The following PRKAR1B variants were observed in gnomAD, a reference collection of about 807,000 sequenced individuals.
PRKAR1B encodes protein kinase cAMP-dependent type I regulatory subunit beta.
Under a neutral mutation model 46.5 loss-of-function variants are expected in PRKAR1B, and 22 were observed. That is an observed-to-expected ratio of 0.47 (90% CI 0.34 to 0.68). The LOEUF is 0.68. Among genes scored for constraint, PRKAR1B ranks in the 30% least tolerant of loss-of-function variants. The pLI, the probability that PRKAR1B is intolerant of heterozygous loss-of-function variation, is 0.01. For synonymous variants in PRKAR1B, 259 were observed against 217.7 expected, an observed-to-expected ratio of 1.19 and a Z score of -1.67; for missense variants, 445 against 535.6, an observed-to-expected ratio of 0.83 and a Z score of 1.67.
Position 560,776 on chromosome 7 carries a change from G to C in PRKAR1B, c.892-9306C>G, listed in dbSNP as rs140046020. 3.3e-5 allele frequency among the ~76,000 whole-genome samples: 5 copies of C among 152,352 alleles called. No homozygotes were observed. The highest frequency in any genetic ancestry group is 1.2e-4 in the African/African-American group (5 of 41,588). On this transcript the variant is annotated intron_variant, in intron 9 of 10. Transcript: ENST00000537384. This position sits in a 1 kb window ranked among gnomAD's most constrained non-coding sequence, Gnocchi z 4.2. ...AGGCCAGATTACCCCAGCTCCAGGA[G>C]TTCCAGCACGTCAAACGGGACAGTC...
At chr7:722,381 C>T (rs1421343128) in intron 1 of PRKAR1B, among the ~76,000 whole-genome samples, 10 of 147,992 alleles carry the variant, frequency 6.8e-5, no homozygotes, top group African/African-American at 2.3e-4. Context: ...GGATGACAGG[C>T]GTAAGCCACT....
chr7:551,857 C>A (rs1206178819), intron 9 of PRKAR1B, among the ~76,000 whole-genome samples: 1 of 141,678 alleles, frequency 7.1e-6, no homozygotes, highest in Non-Finnish European at 1.5e-5. Context: ...ACTGCCACCA[C>A]CATGTAACCA....
rs556387286 is a variant in PRKAR1B, at chr7:642,045, C to T, written c.441-34593G>A. 2.6e-5 allele frequency among the ~76,000 whole-genome samples: 4 copies of T among 152,154 alleles called. No individual in the cohort carries two copies. In the East Asian group the frequency reaches 7.7e-4, roughly 29 times the overall value. The stretch of plus-strand genomic sequence containing the variant: ...CCTCCTCCCCAAGTGGCTGGGACTC[C>T]AGGCACGCACCACCACACCCAGCTA... On this transcript the variant is annotated intron_variant, in intron 4 of 10. Transcript: ENST00000537384.
At chr7:686,841 AG>A (rs1779121265) in intron 2 of PRKAR1B, among the ~76,000 whole-genome samples, 1 of 152,172 alleles carries the variant, frequency 6.6e-6, no homozygotes. Context: ...AGAAGCTGAC[AG>A]GCTGAGGTTT....
intron 2 of PRKAR1B, among the ~76,000 whole-genome samples, chr7:698,767 C>T (rs1779907755): frequency 6.6e-6 from 1 of 152,044 alleles, no homozygotes; most frequent in Admixed American, 6.5e-5. Context: ...CACGTACCCT[C>T]CTCCTCGGTG....
At chr7:661,226 C>T (rs1785535544) in intron 4 of PRKAR1B, among the ~76,000 whole-genome samples, 2 of 108,534 alleles carry the variant, frequency 1.8e-5, no homozygotes, top group African/African-American at 3.8e-5. Flanking sequence ...CACAGGTCCC[C>T]ACCCCAACGG....
chr7:572,308 C>T (rs1036910238), intron 9 of PRKAR1B, among the ~76,000 whole-genome samples: 2 of 152,182 alleles, frequency 1.3e-5, no homozygotes, highest in Non-Finnish European at 1.5e-5. Context: ...CTGTGGGGAT[C>T]GGGTGTCTGA....
chr7:645,926 G>C (rs1051354019), intron 4 of PRKAR1B, among the ~76,000 whole-genome samples: 1 of 152,184 alleles, frequency 6.6e-6, no homozygotes, highest in Non-Finnish European at 1.5e-5. Context: ...GTGATGCCAG[G>C]GTACCCGGAA....
intron 9 of PRKAR1B, among the ~76,000 whole-genome samples, chr7:567,749 C>A (rs1779267177): frequency 6.6e-6 from 1 of 152,194 alleles, no homozygotes. Context: ...CTTGAGGACA[C>A]TATGCAAGTG....
chr7:682,474 G>A (rs932378486), intron 2 of PRKAR1B, among the ~76,000 whole-genome samples: 2 of 152,062 alleles, frequency 1.3e-5, no homozygotes, highest in Non-Finnish European at 2.9e-5. Flanking sequence ...GGCCAGGCAC[G>A]GTGGTTCACG....
intron 4 of PRKAR1B, among the ~76,000 whole-genome samples, chr7:673,456 T>C (rs1262805295): frequency 6.6e-6 from 1 of 151,968 alleles, no homozygotes; most frequent in Admixed American, 6.6e-5. Flanking sequence ...GAGACCATCC[T>C]GGCCAACACA....
chr7:553,925 C>T (rs1440074375), intron 9 of PRKAR1B, among the ~76,000 whole-genome samples: 3 of 152,280 alleles, frequency 2.0e-5, no homozygotes, highest in African/African-American at 7.2e-5. Flanking sequence ...GTGTAAACAA[C>T]AGACCGGGCG....
chr7:550,693 C>A, intron 10 of PRKAR1B, 91 bp from the exon 11 acceptor site: 1 of 1,125,814 alleles, frequency 8.9e-7, no homozygotes, highest in Non-Finnish European at 1.2e-6. Flanking sequence ...GAAGCGGCTC[C>A]CTTTTAAGGA....
chr7:653,149 C>T (rs1040997107), intron 4 of PRKAR1B, among the ~76,000 whole-genome samples: 6 of 152,204 alleles, frequency 3.9e-5, no homozygotes, highest in African/African-American at 1.2e-4. Flanking sequence ...TTGGCCAAAC[C>T]CAGCCACACA....
At chr7:619,047 C>A (rs1039445009) in intron 4 of PRKAR1B, among the ~76,000 whole-genome samples, 1 of 152,200 alleles carries the variant, frequency 6.6e-6, no homozygotes, top group Admixed American at 6.5e-5. Context: ...GGCAGCAAGA[C>A]CCTGTCTTGA....
intron 7 of PRKAR1B, among the ~76,000 whole-genome samples, chr7:594,184 C>A (rs1781139311): frequency 1.3e-5 from 2 of 152,194 alleles, no homozygotes; most frequent in Non-Finnish European, 2.9e-5. Context: ...TCACACCCAC[C>A]CAGGCTGGCC....
rs150619282 is a variant in PRKAR1B at position 639,672 on chromosome 7, G to A, written c.441-32220C>T. Among the ~76,000 whole-genome samples the A allele has an allele frequency of 9.8e-3, 1,485 of 151,556 alleles. 13 individuals are homozygous for A. The highest frequency in any genetic ancestry group is 0.015 in the Non-Finnish European group (1,042 of 67,868). ...CTCAGCCTGCCTGGGCAACAGAGTG[G>A]GACCCCATCTCTACAAAAAAATTAA... On this transcript the variant is annotated intron_variant, in intron 4 of 10. Transcript: ENST00000537384.
intron 1 of PRKAR1B, among the ~76,000 whole-genome samples, chr7:725,381 T>C (rs1781222436): frequency 1.3e-5 from 2 of 152,152 alleles, no homozygotes; most frequent in Admixed American, 1.3e-4. Flanking sequence ...TAACCAGACT[T>C]GGGGACTCCT....
chr7:559,724 G>A (rs1236462632), intron 9 of PRKAR1B, among the ~76,000 whole-genome samples: 1 of 152,168 alleles, frequency 6.6e-6, no homozygotes, highest in Admixed American at 6.5e-5. Context: ...AAAGGCACAT[G>A]CACCCCAAGT....
Sources: allele counts gnomAD v4.1 joint callset (sites outside exome capture counted in the v4.1 genomes callset), GRCh38; gene constraint gnomAD v4.1.1; non-coding constraint Gnocchi (gnomAD v3.1); transcripts MANE v1.5; gene names NCBI Gene and HGNC (gene_info 2026-07-23, HGNC 2026-07-21).